The following KIAA1671 variants were observed in gnomAD, a reference collection of about 807,000 sequenced individuals.
KIAA1671 encodes the protein KIAA1671, also known as uncharacterized protein KIAA1671.
In KIAA1671, 52 loss-of-function variants were observed where a neutral mutation model predicts 131.2. The observed-to-expected ratio is 0.40, with a 90% CI of 0.32 to 0.50. The LOEUF (loss-of-function observed/expected upper bound fraction) is 0.50, where lower values mean the gene tolerates loss of function less well. KIAA1671 is among the 20% of genes least tolerant of loss of function. KIAA1671 has a pLI of 0.73. For missense variants in KIAA1671, 2,360 were observed against 2,364.2 expected, an observed-to-expected ratio of 1.00 and a Z score of 0.04; for synonymous variants, 1,003 against 961.6, an observed-to-expected ratio of 1.04 and a Z score of -0.80.
intron 6 of KIAA1671, chr22:25,052,614 G>A (rs1049901156): frequency 3.9e-5 from 6 of 152,134 alleles, no homozygotes; most frequent in South Asian, 4.2e-4. Flanking sequence ...CTCGTCTTAC[G>A]TGGTAGCCCG....
At chr22:25,179,282 A>C in intron 9 of KIAA1671, 9 of 1,563,274 alleles carry the variant, frequency 5.8e-6, no homozygotes, top group Non-Finnish European at 7.8e-6. Context: ...GTTCTCTCGC[A>C]GGATGGGCGC....
chr22:25,034,962 C>T (rs111432211), intron 4 of KIAA1671, among the ~76,000 whole-genome samples: 23,801 of 151,086 alleles, frequency 0.16, 2,266 homozygotes, highest in Middle Eastern at 0.24. Flanking sequence ...TGGTCTCCAT[C>T]TCCTGACCTT....
intron 6 of KIAA1671, among the ~76,000 whole-genome samples, chr22:25,109,163 G>A (rs561555753): frequency 5.3e-5 from 8 of 151,360 alleles, no homozygotes; most frequent in East Asian, 1.9e-4. Flanking sequence ...AGGCTGGAGC[G>A]CAGTGGTGTG....
intron 6 of KIAA1671, among the ~76,000 whole-genome samples, chr22:25,143,868 G>A (rs2145965158): frequency 6.6e-6 from 1 of 152,150 alleles, no homozygotes; most frequent in Non-Finnish European, 1.5e-5. Context: ...TTGTTGCCTT[G>A]TCTGTAAAAT....
intron 6 of KIAA1671, among the ~76,000 whole-genome samples, chr22:25,135,158 A>G (rs1226038038): frequency 2.0e-5 from 3 of 152,174 alleles, no homozygotes; most frequent in Non-Finnish European, 4.4e-5. Flanking sequence ...TGTTAGTGCC[A>G]GTGGCTTTCC....
At chr22:25,036,925 AAAAAAT>A (rs1483531824) in intron 4 of KIAA1671, among the ~76,000 whole-genome samples, 2 of 152,070 alleles carry the variant, frequency 1.3e-5, no homozygotes, top group African/African-American at 2.4e-5. Context: ...ACTCCATCTC[AAAAAAT>A]AAAAATAAAA....
chr22:25,139,026 A>G (rs1222414852), intron 6 of KIAA1671, among the ~76,000 whole-genome samples: 1 of 152,198 alleles, frequency 6.6e-6, no homozygotes, highest in Admixed American at 6.5e-5. Context: ...AGCACCAGCC[A>G]CTGCACACCA....
intron 6 of KIAA1671, among the ~76,000 whole-genome samples, chr22:25,085,649 C>T (rs1226583229): frequency 6.6e-6 from 1 of 151,978 alleles, no homozygotes; most frequent in African/African-American, 2.4e-5. Flanking sequence ...TGTGTGTGAG[C>T]TGGTGTGTCT....
At position 25,039,364 on chromosome 22, in the gene KIAA1671, G is replaced by A. The variant is rs893011738; in HGVS notation, c.2234G>A (p.Ser745Asn). 3.2e-6 allele frequency: 5 copies of A among 1,551,752 alleles called. No individual in the cohort carries two copies. The African/African-American group carries it at 6.8e-5, about 21-fold the overall frequency. ...IVHAVGERVH[S>N]EAISPAPEEK... ...CATGCAGTGGGAGAGCGTGTGCACA[G>A]CGAGGCCATCTCACCGGCACCGGAG... Residue 745 changes from serine (S) to asparagine (N), a missense_variant, in exon 5 of 13, where the codon AGC (serine) becomes AAC (asparagine). Physicochemically the swap from Ser to Asn is conservative, Grantham distance 46 (BLOSUM62 1). Around this residue, in one of 3 missense-constraint regions of KIAA1671, gnomAD observed 1,185 missense variants for 1,126.2 expected, o/e 1.05. Transcript: ENST00000358431.
intron 11 of KIAA1671, among the ~76,000 whole-genome samples, chr22:25,190,162 C>T (rs956651649): frequency 1.3e-5 from 2 of 151,778 alleles, no homozygotes; most frequent in Non-Finnish European, 2.9e-5. Flanking sequence ...CAGTGAGAAC[C>T]CTGAGCTTGT....
chr22:25,088,728 T>C (rs1929864662), intron 6 of KIAA1671, among the ~76,000 whole-genome samples: 2 of 152,186 alleles, frequency 1.3e-5, no homozygotes, highest in Admixed American at 1.3e-4. Context: ...AAAGAGAAAT[T>C]GGTCTCCCTG....
At chr22:25,173,434 A>G (rs1337381100) in intron 7 of KIAA1671, among the ~76,000 whole-genome samples, 1 of 152,206 alleles carries the variant, frequency 6.6e-6, no homozygotes, top group Non-Finnish European at 1.5e-5. Flanking sequence ...GACTGAATGA[A>G]TAAGTGAATG....
At chr22:25,073,312 C>T (rs1431378953) in intron 6 of KIAA1671, among the ~76,000 whole-genome samples, 1 of 152,204 alleles carries the variant, frequency 6.6e-6, no homozygotes, top group East Asian at 1.9e-4. Flanking sequence ...AAGCGATCCT[C>T]CCACCTCAGC....
At chr22:24,959,384 G>T (rs374296509) in intron 1 of KIAA1671, among the ~76,000 whole-genome samples, 1 of 151,812 alleles carries the variant, frequency 6.6e-6, no homozygotes, top group Non-Finnish European at 1.5e-5. Context: ...TTAGCTAGGC[G>T]TGATGGCAGT....
rs1934753244 is a variant in KIAA1671, at chr22:25,194,204, G to C, written c.*1803G>C. 1 of 152,172 alleles carries C rather than the reference G, an allele frequency of 6.6e-6. No homozygotes were observed. The highest frequency in any genetic ancestry group is 2.1e-4 in the South Asian group (1 of 4,824). The allele number at this position is 152,172 out of a possible 1,614,324, so 9.4% of individuals were successfully genotyped here. A position where few individuals can be genotyped will look rare whatever the true frequency, so the allele number is the denominator to read the frequency against. On this transcript the variant is annotated 3_prime_UTR_variant, in exon 13 of 13. Coordinates refer to ENST00000358431, the MANE Select transcript of KIAA1671 (RefSeq NM_001145206.2). ...TTCTCCCACCTCAGCCTCCCAAGTA[G>C]CTGGGACTACAGGTGTATGCTACCA...
chr22:25,192,024 A>G (rs570219099), intron 12 of KIAA1671, among the ~76,000 whole-genome samples: 1 of 152,286 alleles, frequency 6.6e-6, no homozygotes, highest in South Asian at 2.1e-4. Context: ...TATAATAAAT[A>G]CTAAAAATTA....
chr22:25,177,136 C>G (rs1390758055), intron 8 of KIAA1671: 2 of 554,804 alleles, frequency 3.6e-6, no homozygotes, highest in Non-Finnish European at 6.4e-6. Flanking sequence ...ATTGTTCCAC[C>G]TGACTTTTGT....
At chr22:24,973,374 A>C in intron 1 of KIAA1671, among the ~76,000 whole-genome samples, 1 of 147,838 alleles carries the variant, frequency 6.8e-6, no homozygotes, top group African/African-American at 2.5e-5. Context: ...TACAGACCCC[A>C]AACTGCATAT....
Position 25,196,013 on chromosome 22 carries a change from G to A in KIAA1671, c.*3612G>A, listed in dbSNP as rs999571796. ...CATTAGCGAGTGGGGGACTCTTGCT[G>A]TGTGCTAAGAGGCTGCTAGGACTCA... is the stretch of plus-strand genomic sequence containing the variant. On this transcript the variant is annotated 3_prime_UTR_variant, in exon 13 of 13. Coordinates refer to ENST00000358431, the MANE Select transcript of KIAA1671 (RefSeq NM_001145206.2). 1 of 152,138 alleles carries A rather than the reference G, an allele frequency of 6.6e-6. No individual in the cohort carries two copies. The highest frequency in any genetic ancestry group is 2.4e-5 in the African/African-American group (1 of 41,418). 9.4% of individuals were successfully genotyped at this position (152,138 alleles called of 1,614,324 possible).
Sources: allele counts gnomAD v4.1 joint callset (sites outside exome capture counted in the v4.1 genomes callset), GRCh38; gene constraint gnomAD v4.1.1; regional missense constraint gnomAD v4.1.1; transcripts MANE v1.5; gene names NCBI Gene and HGNC (gene_info 2026-07-23, HGNC 2026-07-21).